Variants in KLF7 observed in about 807,000 individuals in gnomAD.
KLF7 encodes KLF transcription factor 7.
In KLF7, 2 loss-of-function variants were observed where a neutral mutation model predicts 27.3. The ratio of observed to expected loss-of-function variants is 0.07; its 90% CI spans 0.03 to 0.23. KLF7 has a LOEUF of 0.23. KLF7 is among the 10% of genes least tolerant of loss of function. KLF7 has a pLI of 1.00. For missense variants in KLF7, 221 were observed against 394.1 expected, an observed-to-expected ratio of 0.56 and a Z score of 3.72; for synonymous variants, 165 against 162.4, an observed-to-expected ratio of 1.02 and a Z score of -0.12.
chr2:207,154,460 C>G (rs1257750335), intron 1 of KLF7, among the ~76,000 whole-genome samples: 1 of 152,130 alleles, frequency 6.6e-6, no homozygotes, highest in Non-Finnish European at 1.5e-5. Context: ...AAGGGTATTG[C>G]TAGTCCTCCC....
At chr2:207,135,582 A>G (rs2077760917) in intron 1 of KLF7, among the ~76,000 whole-genome samples, 1 of 152,218 alleles carries the variant, frequency 6.6e-6, no homozygotes, top group South Asian at 2.1e-4. Context: ...TGAATGAATG[A>G]ATGAATGAGT....
At position 207,131,659 on chromosome 2, in the gene KLF7, T is replaced by C. The variant is rs183040656; in HGVS notation, c.103-7255A>G. Among the ~76,000 whole-genome samples, 60 of 152,360 alleles carry C rather than the reference T, an allele frequency of 3.9e-4. No individual in the cohort carries two copies. In the South Asian group the frequency reaches 5.4e-3, roughly 14 times the overall value. On this transcript the variant is annotated intron_variant, in intron 1 of 3. Coordinates refer to ENST00000309446, the MANE Select transcript of KLF7 (RefSeq NM_003709.4). The stretch of plus-strand genomic sequence containing the variant: ...AAATCTGGATTGCAAAGACTGATAC[T>C]GATGGGAACTTTGTGACTCTCTTTC...
chr2:207,141,386 G>A (rs956300673), intron 1 of KLF7, among the ~76,000 whole-genome samples: 110 of 152,156 alleles, frequency 7.2e-4, no homozygotes, highest in African/African-American at 2.4e-3. Flanking sequence ...CCTCTAAAAG[G>A]TAACACATCT....
intron 1 of KLF7, among the ~76,000 whole-genome samples, chr2:207,129,955 C>T (rs1368576463): frequency 6.6e-6 from 1 of 152,192 alleles, no homozygotes; most frequent in Non-Finnish European, 1.5e-5. Flanking sequence ...GAGGTAGTTA[C>T]TTTCACAGCC....
At chr2:207,169,846 A>AGTGT (rs979993859), upstream of KLF7, among the ~76,000 whole-genome samples, 1 of 152,088 alleles carries the variant, frequency 6.6e-6, no homozygotes, top group African/African-American at 2.4e-5. Flanking sequence ...GAACTTAACT[A>AGTGT]GTGTGTGTGT....
At position 207,123,903 on chromosome 2, in the gene KLF7, C is replaced by G; in HGVS notation, c.604G>C (p.Asp202His). 6.2e-7 allele frequency: 1 copy of G among 1,613,976 alleles called. No individual in the cohort carries two copies. The highest frequency in any genetic ancestry group is 1.3e-5 in the African/African-American group (1 of 75,050). The change falls in exon 2 of 4, where the codon GAC becomes CAC. Residue 202 changes from aspartate (D) to histidine (H), a missense_variant. Coordinates refer to ENST00000309446, the MANE Select transcript of KLF7 (RefSeq NM_003709.4). ...GCTTCAGCCCCCAGCCCTCCTTGGTCACTGTCGCTCTGTCCACTCTTAACG... is the reference window on the plus strand; with the variant it reads ...GCTTCAGCCCCCAGCCCTCCTTGGTGACTGTCGCTCTGTCCACTCTTAACG... ...GAVKSGQSDS[D>H]QGGLGAEACP...
At chr2:207,131,110 A>AC (rs1045654669) in intron 1 of KLF7, among the ~76,000 whole-genome samples, 35 of 152,342 alleles carry the variant, frequency 2.3e-4, no homozygotes, top group African/African-American at 7.9e-4. Context: ...GCAGCTTTCC[A>AC]CCATGTGGAA....
chr2:207,088,561 A>T lies in KLF7; in HGVS notation c.754T>A (p.Ser252Thr). The change falls in exon 3 of 4, where the codon TCA becomes ACA. Residue 252 changes from serine (S) to threonine (T), a missense_variant. Around this residue, in one of 3 missense-constraint regions of KLF7, gnomAD observed 30 missense variants for 115.4 expected, o/e 0.26. Transcript: ENST00000309446. ...AAACGCCACTCACATCCCTCCCATG[A>T]GCACTTATAAGGCTTCTCACCTGCA... ...THTGEKPYKC[S>T]WEGCEWRFAR... The T allele has an allele frequency of 6.2e-7, 1 of 1,613,954 alleles. No individual in the cohort carries two copies.
At chr2:207,159,688 A>G (rs2078486470) in intron 1 of KLF7, among the ~76,000 whole-genome samples, 1 of 152,238 alleles carries the variant, frequency 6.6e-6, no homozygotes, top group East Asian at 1.9e-4. Context: ...AGCTCAATGA[A>G]GAATGGTATC....
chr2:207,083,488 A>G (rs1414970770), intron 3 of KLF7, among the ~76,000 whole-genome samples: 1 of 152,208 alleles, frequency 6.6e-6, no homozygotes, highest in East Asian at 1.9e-4. Flanking sequence ...CAGATGAAAC[A>G]TTCATCAGAA....
upstream of KLF7, chr2:207,166,166 G>A (rs988556763): frequency 1.0e-6 from 1 of 985,794 alleles, no homozygotes; most frequent in South Asian, 4.7e-5. Flanking sequence ...TCTCGAGGAG[G>A]GCGTCCATTA....
intron 1 of KLF7, among the ~76,000 whole-genome samples, chr2:207,134,402 G>A (rs555352085): frequency 3.4e-4 from 51 of 152,202 alleles, no homozygotes; most frequent in African/African-American, 1.1e-3. Flanking sequence ...CTCGGTGGCA[G>A]ATGCAATTTA....
At chr2:207,096,591 G>C (rs937110199) in intron 2 of KLF7, among the ~76,000 whole-genome samples, 3 of 152,168 alleles carry the variant, frequency 2.0e-5, no homozygotes, top group Non-Finnish European at 4.4e-5. Flanking sequence ...AGCAGAAGCA[G>C]CTTGGTGCTT....
rs893477618 is a variant in KLF7, at chr2:207,075,278, T to A, written c.*5935A>T. On this transcript the variant is annotated 3_prime_UTR_variant, in exon 4 of 4. Coordinates refer to ENST00000309446, the MANE Select transcript of KLF7 (RefSeq NM_003709.4). ...GTAACATTAACATACCACCATCATATAATACAAATAATAGTTTTAAATCTT... is the reference window on the plus strand; with the variant it reads ...GTAACATTAACATACCACCATCATAAAATACAAATAATAGTTTTAAATCTT... The A allele has an allele frequency of 1.3e-5, 2 of 151,190 alleles. No individual in the cohort carries two copies. Among genetic ancestry groups the A allele is most frequent in the Non-Finnish European group, 2.9e-5 (2 of 67,838 alleles). 9.4% of individuals were successfully genotyped at this position (151,190 alleles called of 1,614,324 possible).
At chr2:207,162,533 T>C (rs1200675955) in intron 1 of KLF7, among the ~76,000 whole-genome samples, 2 of 152,310 alleles carry the variant, frequency 1.3e-5, no homozygotes, top group Admixed American at 6.5e-5. Context: ...TTCAGAATTA[T>C]ACCAGCAACG....
chr2:207,128,573 A>G (rs1347138662), intron 1 of KLF7, among the ~76,000 whole-genome samples: 4 of 152,226 alleles, frequency 2.6e-5, no homozygotes, highest in South Asian at 2.1e-4. Context: ...ATAAAATATA[A>G]TAACTCTACA....
chr2:207,129,604 A>G (rs1318696183), intron 1 of KLF7, among the ~76,000 whole-genome samples: 1 of 152,200 alleles, frequency 6.6e-6, no homozygotes, highest in Non-Finnish European at 1.5e-5. Flanking sequence ...CATGCTTTTC[A>G]TAGCATTCTC....
chr2:207,115,679 G>T (rs1429618894), intron 2 of KLF7, among the ~76,000 whole-genome samples: 1 of 152,218 alleles, frequency 6.6e-6, no homozygotes, highest in African/African-American at 2.4e-5. Context: ...AGGAGGGGTA[G>T]ATGGGATGGT....
chr2:207,167,145 G>A (rs1454587862), upstream of KLF7: 4 of 1,440,614 alleles, frequency 2.8e-6, no homozygotes, highest in Non-Finnish European at 3.6e-6. Context: ...CTCACCATGG[G>A]GTCTCCAGCG....
Sources: gnomAD v4.1 joint callset for allele counts (sites outside exome capture counted in the v4.1 genomes callset) on GRCh38, gnomAD v4.1.1 for gene constraint, gnomAD v4.1.1 regional missense constraint, MANE v1.5 for transcripts, NCBI Gene and HGNC (gene_info 2026-07-23, HGNC 2026-07-21) for gene names.